The following CSNK1G1 variants were observed in gnomAD, a reference collection of about 807,000 sequenced individuals.
CSNK1G1 encodes casein kinase I isoform gamma-1.
In CSNK1G1, 22 loss-of-function variants were observed where a neutral mutation model predicts 59.6. The ratio of observed to expected loss-of-function variants is 0.37; its 90% CI spans 0.26 to 0.53. The LOEUF is 0.53. Ranked by LOEUF, CSNK1G1 falls within the 20% of genes least tolerant of loss-of-function variation. The probability of loss-of-function intolerance (pLI) is 0.89; values close to 1 mark genes in which losing one functional copy is unlikely to be tolerated. For synonymous variants in CSNK1G1, 179 were observed against 177.1 expected (o/e 1.01, Z -0.08); for missense variants, 384 against 519.5 (o/e 0.74, Z 2.54).
chr15:64,343,397 C>G (rs1357348766), intron 1 of CSNK1G1, among the ~76,000 whole-genome samples: 1 of 152,134 alleles, frequency 6.6e-6, no homozygotes, highest in Non-Finnish European at 1.5e-5. Context: ...AAATCAAACC[C>G]AGCCTTTAAG....
chr15:64,226,555 A>AAAAC (rs141730302), intron 4 of CSNK1G1, among the ~76,000 whole-genome samples: 18,421 of 148,280 alleles, frequency 0.12, 1,893 homozygotes, highest in African/African-American at 0.29. Flanking sequence ...ATTCCGTCTC[A>AAAAC]AAACAAACAA....
Position 64,167,126 on chromosome 15 carries a change from C to CT in CSNK1G1, c.*4804dup, listed in dbSNP as rs2081611403. 6.6e-6 allele frequency: 1 copy of CT among 152,228 alleles called. No individual in the cohort carries two copies. The highest frequency in any genetic ancestry group is 2.1e-4 in the South Asian group (1 of 4,826). The allele number at this position is 152,228 out of a possible 1,614,324, so 9.4% of individuals were successfully genotyped here. A position where few individuals can be genotyped will look rare whatever the true frequency, so the allele number is the denominator to read the frequency against. On this transcript the variant is annotated 3_prime_UTR_variant, in exon 12 of 12. Transcript: ENST00000303052. ...CACTATTTTGAATACAATGAGAAAA[C>CT]TATTTTTTTGTACTTAGTCACCTGC...
intron 10 of CSNK1G1, chr15:64,181,554 G>A: frequency 2.2e-6 from 2 of 908,410 alleles, no homozygotes; most frequent in Non-Finnish European, 1.6e-6. Context: ...ACAAGAAAAT[G>A]TATGAGACTG....
At chr15:64,282,652 G>GGCTAATAAT (rs1894204621) in intron 2 of CSNK1G1, among the ~76,000 whole-genome samples, 1 of 151,880 alleles carries the variant, frequency 6.6e-6, no homozygotes, top group Non-Finnish European at 1.5e-5. Flanking sequence ...CATTTTTATG[G>GGCTAATAAT]GCTAATAATA....
chr15:64,256,161 A>G (rs186312175), intron 3 of CSNK1G1, among the ~76,000 whole-genome samples: 267 of 152,346 alleles, frequency 1.8e-3, no homozygotes, highest in African/African-American at 6.3e-3. Flanking sequence ...CCAAACAGAA[A>G]CAGTGATGAC....
At chr15:64,241,570 T>A (rs1006585476) in intron 4 of CSNK1G1, among the ~76,000 whole-genome samples, 1 of 152,068 alleles carries the variant, frequency 6.6e-6, no homozygotes, top group African/African-American at 2.4e-5. Flanking sequence ...CAAAACAAAT[T>A]TCAAAAAATT....
At chr15:64,264,195 A>C (rs1223708761) in intron 2 of CSNK1G1, among the ~76,000 whole-genome samples, 2 of 151,968 alleles carry the variant, frequency 1.3e-5, no homozygotes, top group African/African-American at 4.8e-5. Flanking sequence ...CTGTGAACGA[A>C]GGGGAAAAGC....
rs1390805370 is a variant in CSNK1G1, at chr15:64,216,796, ATAT to A, written c.293-86_293-84del. 8.0e-7 allele frequency: 1 copy of A among 1,256,902 alleles called. No homozygotes were observed. The highest frequency in any genetic ancestry group is 1.1e-6 in the Non-Finnish European group (1 of 910,264). 77.9% of individuals were successfully genotyped at this position (1,256,902 alleles called of 1,614,324 possible). A position where few individuals can be genotyped will look rare whatever the true frequency, so the allele number is the denominator to read the frequency against. ...GATAACAGTATTAGCACTGAATAAA[ATAT>A]TTTTAAAAGTACAATTTGTGAGATT... On this transcript the variant is annotated intron_variant, in intron 4 of 11. Coordinates refer to ENST00000303052, the MANE Select transcript of CSNK1G1 (RefSeq NM_022048.5). This position sits in a 1 kb window ranked among gnomAD's most constrained non-coding sequence, Gnocchi z 4.6.
chr15:64,299,933 C>T (rs1227773662), intron 2 of CSNK1G1, among the ~76,000 whole-genome samples: 1 of 152,128 alleles, frequency 6.6e-6, no homozygotes, highest in Admixed American at 6.6e-5. Context: ...CTGAATTAAA[C>T]CAAGGCCTTA....
At chr15:64,178,139 G>A (rs541869476) in intron 11 of CSNK1G1, among the ~76,000 whole-genome samples, 64 of 152,266 alleles carry the variant, frequency 4.2e-4, no homozygotes, top group African/African-American at 1.5e-3. Context: ...TGCCCCAAAT[G>A]ACTCCAAAGT....
At position 64,214,572 on chromosome 15, in the gene CSNK1G1, C is replaced by A. The variant is rs965197512; in HGVS notation, c.445-448G>T. Among the ~76,000 whole-genome samples the A allele has an allele frequency of 2.0e-5, 3 of 152,196 alleles. No individual in the cohort carries two copies. Among genetic ancestry groups the A allele is most frequent in the Admixed American group, 2.0e-4 (3 of 15,278 alleles). On this transcript the variant is annotated intron_variant, in intron 5 of 11. Transcript: ENST00000303052. This position sits in a 1 kb window ranked among gnomAD's most constrained non-coding sequence, Gnocchi z 4.3. ...TGCTTATTTGGACAAGACTACCCAACCCAGTTTTCGATGTTGTGAGGCCCA... is the reference window on the plus strand; with the variant it reads ...TGCTTATTTGGACAAGACTACCCAAACCAGTTTTCGATGTTGTGAGGCCCA...
intron 4 of CSNK1G1, among the ~76,000 whole-genome samples, chr15:64,233,088 C>T (rs1414647691): frequency 1.3e-5 from 2 of 152,178 alleles, no homozygotes; most frequent in Non-Finnish European, 2.9e-5. Flanking sequence ...TTCTATTTTT[C>T]ATGAAGCCCT....
At chr15:64,254,695 G>A (rs1892277752) in intron 3 of CSNK1G1, among the ~76,000 whole-genome samples, 2 of 152,160 alleles carry the variant, frequency 1.3e-5, no homozygotes, top group South Asian at 4.1e-4. Context: ...GTAAATTCTG[G>A]ATATCATCTC....
At chr15:64,265,673 A>AC in intron 2 of CSNK1G1, 1 of 353,602 alleles carries the variant, frequency 2.8e-6, no homozygotes, top group Non-Finnish European at 5.5e-6. Flanking sequence ...AAAAAAAAAA[A>AC]AAAACCTAGG....
intron 7 of CSNK1G1, among the ~76,000 whole-genome samples, chr15:64,205,412 A>G (rs1596090856): frequency 6.6e-6 from 1 of 152,220 alleles, no homozygotes; most frequent in South Asian, 2.1e-4. Flanking sequence ...AAAAAAAACA[A>G]TAACTGAAAA....
intron 7 of CSNK1G1, 116 bp from the exon 8 acceptor site, chr15:64,205,065 AT>A (rs1287419726): frequency 6.9e-6 from 4 of 577,218 alleles, no homozygotes; most frequent in African/African-American, 1.9e-5. Context: ...GTTGGTCTTG[AT>A]TTTTTTTCTA....
rs768079407 is a variant in CSNK1G1 at position 64,180,488 on chromosome 15, C to T, written c.1108-34G>A. Reference sequence around the variant, plus strand: ...GAAAGACAGAAGTGTGTGACAGGCACCATGGCAACAGAAATCTCTTGCCAG... The same window carrying T: ...GAAAGACAGAAGTGTGTGACAGGCATCATGGCAACAGAAATCTCTTGCCAG... On this transcript the variant is annotated intron_variant, in intron 10 of 11. Coordinates refer to ENST00000303052, the MANE Select transcript of CSNK1G1 (RefSeq NM_022048.5). 5.8e-6 allele frequency: 9 copies of T among 1,539,274 alleles called. No individual in the cohort carries two copies. In the South Asian group the frequency reaches 8.9e-5, roughly 15 times the overall value.
At chr15:64,196,455 CTT>C (rs869219108) in intron 10 of CSNK1G1, among the ~76,000 whole-genome samples, 10 of 143,614 alleles carry the variant, frequency 7.0e-5, no homozygotes, top group African/African-American at 1.0e-4. Flanking sequence ...ATCACCTGAA[CTT>C]TTTTTTTTTT....
At chr15:64,250,611 G>A (rs1892021456) in intron 4 of CSNK1G1, among the ~76,000 whole-genome samples, 1 of 152,118 alleles carries the variant, frequency 6.6e-6, no homozygotes. Context: ...CTGGTGTGGT[G>A]GTGCATGCCT....
Sources: allele counts gnomAD v4.1 joint callset (sites outside exome capture counted in the v4.1 genomes callset), GRCh38; gene constraint gnomAD v4.1.1; non-coding constraint Gnocchi (gnomAD v3.1); transcripts MANE v1.5; gene names NCBI Gene and HGNC (gene_info 2026-07-23, HGNC 2026-07-21).